The following SIPA1L3 variants were observed in gnomAD, a reference collection of about 807,000 sequenced individuals.
The protein encoded by SIPA1L3 is signal induced proliferation associated 1 like 3.
Under a neutral mutation model 150.1 loss-of-function variants are expected in SIPA1L3, and 59 were observed. That is an observed-to-expected ratio of 0.39 (90% confidence interval 0.32 to 0.49). SIPA1L3 has a LOEUF of 0.49. Among genes scored for constraint, SIPA1L3 ranks in the 20% least tolerant of loss-of-function variants. The pLI, the probability that SIPA1L3 is intolerant of heterozygous loss-of-function variation, is 0.86. For synonymous variants in SIPA1L3, 1,070 were observed against 1,077.6 expected, an observed-to-expected ratio of 0.99 and a Z score of 0.14; for missense variants, 2,211 against 2,489.5, an observed-to-expected ratio of 0.89 and a Z score of 2.38.
intron 13 of SIPA1L3, among the ~76,000 whole-genome samples, chr19:38,161,061 G>A (rs1359527386): frequency 6.6e-6 from 1 of 151,992 alleles, no homozygotes; most frequent in African/African-American, 2.4e-5. Context: ...AAAAAGTTGT[G>A]GGCCGGGCAC....
rs767824425 is a variant in SIPA1L3 at position 38,130,586 on chromosome 19, C to T, written c.2957C>T (p.Thr986Met). Residue 986 changes from threonine to methionine, a missense_variant, in exon 10 of 22, where the codon ACG becomes ATG. By Grantham distance (81) the Thr-to-Met change is moderately conservative (BLOSUM62 -1). Around this residue, in one of 5 missense-constraint regions of SIPA1L3, gnomAD observed 625 missense variants for 804.2 expected, o/e 0.78. Coordinates refer to ENST00000222345, the MANE Select transcript of SIPA1L3 (RefSeq NM_015073.3). ...QLGFHVKYDGTVAEVEDYGFA... is the reference protein window; with the variant it reads ...QLGFHVKYDGMVAEVEDYGFA... ...GGCTTCCACGTGAAGTACGACGGCACGGTGGCCGAGGTTGAGGACTATGGG... is the reference window on the plus strand; with the variant it reads ...GGCTTCCACGTGAAGTACGACGGCATGGTGGCCGAGGTTGAGGACTATGGG... 1.5e-5 allele frequency: 24 copies of T among 1,613,670 alleles called. No individual in the cohort carries two copies. Among genetic ancestry groups the T allele is most frequent in the East Asian group, 6.7e-5 (3 of 44,894 alleles).
intron 1 of SIPA1L3, among the ~76,000 whole-genome samples, chr19:37,999,721 C>T (rs925740959): frequency 6.6e-6 from 1 of 152,238 alleles, no homozygotes; most frequent in African/African-American, 2.4e-5. Context: ...CTGTAGCTTC[C>T]GGCTGTCTCA....
chr19:38,135,652 G>T (rs891268982), intron 10 of SIPA1L3, among the ~76,000 whole-genome samples: 1 of 152,196 alleles, frequency 6.6e-6, no homozygotes, highest in Non-Finnish European at 1.5e-5. Flanking sequence ...CCAGACAGAG[G>T]AGTTCTTCTC....
At chr19:37,911,753 C>T (rs2046379643) in intron 1 of SIPA1L3, among the ~76,000 whole-genome samples, 1 of 152,016 alleles carries the variant, frequency 6.6e-6, no homozygotes, top group South Asian at 2.1e-4. Context: ...CCCACCTCAG[C>T]CTCCCAAAGT....
chr19:38,071,254 TA>T (rs1159589683), intron 2 of SIPA1L3, among the ~76,000 whole-genome samples: 9 of 151,850 alleles, frequency 5.9e-5, no homozygotes, highest in African/African-American at 1.9e-4. Flanking sequence ...TCTATCTATC[TA>T]TCTATCTATC....
chr19:37,917,156 G>T (rs2046420840), intron 1 of SIPA1L3, among the ~76,000 whole-genome samples: 1 of 152,006 alleles, frequency 6.6e-6, no homozygotes, highest in African/African-American at 2.4e-5. Flanking sequence ...TCCACATTAA[G>T]CGTTTGACAT....
intron 9 of SIPA1L3, among the ~76,000 whole-genome samples, chr19:38,123,130 A>G (rs1971062126): frequency 6.6e-6 from 1 of 152,028 alleles, no homozygotes; most frequent in South Asian, 2.1e-4. Context: ...CCTGCTCAGC[A>G]CCTTGGGTGG....
At chr19:37,916,940 C>G (rs1036498910) in intron 1 of SIPA1L3, among the ~76,000 whole-genome samples, 1 of 147,434 alleles carries the variant, frequency 6.8e-6, no homozygotes, top group Non-Finnish European at 1.5e-5. Context: ...GCCTGGGCAA[C>G]AGAGTGAGAC....
intron 1 of SIPA1L3, among the ~76,000 whole-genome samples, chr19:37,924,026 C>A (rs543355962): frequency 6.6e-6 from 1 of 152,166 alleles, no homozygotes; most frequent in African/African-American, 2.4e-5. Context: ...CTGCCTCCCT[C>A]GGCCTCCCAA....
intron 1 of SIPA1L3, among the ~76,000 whole-genome samples, chr19:37,927,106 A>G (rs550893433): frequency 6.6e-6 from 1 of 151,740 alleles, no homozygotes; most frequent in East Asian, 1.9e-4. Flanking sequence ...CTGTCACTCA[A>G]ATAGTGAACA....
At chr19:38,039,415 C>G (rs1004267297) in intron 2 of SIPA1L3, among the ~76,000 whole-genome samples, 2 of 144,958 alleles carry the variant, frequency 1.4e-5, no homozygotes, top group East Asian at 2.2e-4. Context: ...GGGTGGGGGT[C>G]GGGCATGGTG....
rs561803781 is a variant in SIPA1L3, at chr19:38,152,736, G to A, written c.3534-104G>A. The A allele has an allele frequency of 9.9e-5, 126 of 1,272,208 alleles. 1 individual carries two copies. In the East Asian group the frequency reaches 2.7e-3, roughly 27 times the overall value. The allele number at this position is 1,272,208 out of a possible 1,614,324, so 78.8% of individuals were successfully genotyped here. ...TCTCTCATCCACAGCGGAGCCTCCC[G>A]TGTGTCTAAAACCCACTGGCGAGCA... On this transcript the variant is annotated intron_variant, in intron 12 of 21. Transcript: ENST00000222345.
chr19:38,126,948 T>G (rs533556214), intron 9 of SIPA1L3, among the ~76,000 whole-genome samples: 7 of 151,926 alleles, frequency 4.6e-5, no homozygotes, highest in African/African-American at 1.7e-4. Flanking sequence ...ATCCCAGCAC[T>G]TTGGGAGGCC....
At chr19:38,054,098 A>T (rs1969264552) in intron 2 of SIPA1L3, among the ~76,000 whole-genome samples, 1 of 151,906 alleles carries the variant, frequency 6.6e-6, no homozygotes, top group Admixed American at 6.5e-5. Context: ...TAATCCCAGC[A>T]CTTTGGGAGG....
At position 38,141,448 on chromosome 19, in the gene SIPA1L3, T is replaced by TG; in HGVS notation, c.3395+19dup. The stretch of plus-strand genomic sequence containing the variant: ...TGCACAGCAAGAGGTAAGCACCTGC[T>TG]GGGGGGACCAATACTTCCCAACCCC... On this transcript the variant is annotated intron_variant, in intron 11 of 21. Transcript: ENST00000222345. 1 of 1,601,902 alleles carries TG rather than the reference T, an allele frequency of 6.2e-7. No homozygotes were observed. Among genetic ancestry groups the TG allele is most frequent in the Non-Finnish European group, 8.5e-7 (1 of 1,178,440 alleles).
Position 37,926,191 on chromosome 19 carries a change from G to C in SIPA1L3, c.-379+18833G>C, listed in dbSNP as rs557002207. Among the ~76,000 whole-genome samples, 7 of 152,214 alleles carry C rather than the reference G, an allele frequency of 4.6e-5. No individual in the cohort carries two copies. The East Asian group carries it at 1.4e-3, about 29-fold the overall frequency. On this transcript the variant is annotated intron_variant, in intron 1 of 21. Transcript: ENST00000222345. ...TTGGCCAATCCTTTCTTGCTGTGAG[G>C]GTTGGTAGTCCTCCCCCGATTCCTC...
At chr19:38,163,073 C>T (rs575256144) in intron 14 of SIPA1L3, among the ~76,000 whole-genome samples, 3 of 152,250 alleles carry the variant, frequency 2.0e-5, no homozygotes, top group East Asian at 1.9e-4. Flanking sequence ...GTTTGACAAG[C>T]GCTTACAACA....
rs1365811904 is a variant in SIPA1L3 at position 38,206,420 on chromosome 19, C to T, written c.*180C>T. On this transcript the variant is annotated 3_prime_UTR_variant, in exon 22 of 22. Coordinates refer to ENST00000222345, the MANE Select transcript of SIPA1L3 (RefSeq NM_015073.3). Reference sequence around the variant, plus strand: ...TGTGAGTCAGGGTCAGCGCGCACAGCCCTCATGCCCCAGAGGGCGAAGTGG... The same window carrying T: ...TGTGAGTCAGGGTCAGCGCGCACAGTCCTCATGCCCCAGAGGGCGAAGTGG... The T allele has an allele frequency of 3.0e-6, 2 of 673,788 alleles. No homozygotes were observed. Among genetic ancestry groups the T allele is most frequent in the Non-Finnish European group, 4.7e-6 (2 of 421,926 alleles). The allele number at this position is 673,788 out of a possible 1,614,324, so 41.7% of individuals were successfully genotyped here. A position where few individuals can be genotyped will look rare whatever the true frequency, so the allele number is the denominator to read the frequency against.
chr19:38,122,291 T>C (rs1971039480), intron 9 of SIPA1L3, among the ~76,000 whole-genome samples: 1 of 152,028 alleles, frequency 6.6e-6, no homozygotes, highest in African/African-American at 2.4e-5. Flanking sequence ...CTTTGTAAAA[T>C]AGAAGTCCTC....
Sources: gnomAD v4.1 joint callset for allele counts (sites outside exome capture counted in the v4.1 genomes callset) on GRCh38, gnomAD v4.1.1 for gene constraint, gnomAD v4.1.1 regional missense constraint, MANE v1.5 for transcripts, NCBI Gene and HGNC (gene_info 2026-07-23, HGNC 2026-07-21) for gene names.